Variants in NCOA1 observed in about 807,000 individuals in gnomAD.
NCOA1 encodes the protein nuclear receptor coactivator 1, also known as Hin-2 protein.
NCOA1 carries 35 observed loss-of-function variants against 150.9 expected under a neutral mutation model. The ratio of observed to expected loss-of-function variants is 0.23; its 90% CI spans 0.18 to 0.31. NCOA1 has a LOEUF of 0.31. Ranked by LOEUF, NCOA1 falls within the 10% of genes least tolerant of loss-of-function variation. NCOA1 has a pLI of 1.00. For synonymous variants in NCOA1, 590 were observed against 630.0 expected (o/e 0.94, Z 0.95); for missense variants, 1,491 against 1,749.3 (o/e 0.85, Z 2.63).
At chr2:24,503,739 T>G (rs570998437) in intron 1 of NCOA1, among the ~76,000 whole-genome samples, 1 of 151,472 alleles carries the variant, frequency 6.6e-6, no homozygotes, top group Non-Finnish European at 1.5e-5. Context: ...CTCTGTTTTT[T>G]TTTTTTTTTT....
intron 3 of NCOA1, among the ~76,000 whole-genome samples, chr2:24,601,206 C>T (rs1668098064): frequency 1.3e-5 from 2 of 148,798 alleles, no homozygotes; most frequent in Non-Finnish European, 1.5e-5. Context: ...AGATCTTTAA[C>T]ATCTTCTGTT....
intron 4 of NCOA1, among the ~76,000 whole-genome samples, chr2:24,646,861 C>T (rs143733710): frequency 2.2e-3 from 330 of 152,028 alleles, no homozygotes; most frequent in African/African-American, 7.7e-3. Context: ...TACACACACA[C>T]ACAAATTGTA....
At chr2:24,569,056 G>C (rs1666626692) in intron 2 of NCOA1, among the ~76,000 whole-genome samples, 1 of 150,948 alleles carries the variant, frequency 6.6e-6, no homozygotes, top group South Asian at 2.1e-4. Flanking sequence ...TTAAGTAAAA[G>C]AAGTTGCAGC....
intron 1 of NCOA1, among the ~76,000 whole-genome samples, chr2:24,552,353 A>ATT (rs869212842): frequency 1.8e-4 from 7 of 38,348 alleles, no homozygotes; most frequent in African/African-American, 7.7e-4. Flanking sequence ...ATATATATAT[A>ATT]TTTTTTTTTT....
intron 8 of NCOA1, 27 bp downstream of exon 8, chr2:24,683,155 A>C (rs754817909): frequency 1.4e-6 from 2 of 1,474,286 alleles, no homozygotes; most frequent in South Asian, 2.7e-5. Context: ...TTTTAAAAAG[A>C]ATACTAGCTC....
At chr2:24,575,853 G>A (rs1214980426) in intron 2 of NCOA1, among the ~76,000 whole-genome samples, 1 of 152,156 alleles carries the variant, frequency 6.6e-6, no homozygotes, top group Non-Finnish European at 1.5e-5. Flanking sequence ...GATTACAGGT[G>A]TGAGCCACCG....
chr2:24,643,088 A>G (rs2148461072), intron 3 of NCOA1, among the ~76,000 whole-genome samples: 1 of 152,280 alleles, frequency 6.6e-6, no homozygotes, highest in Middle Eastern at 3.4e-3. Flanking sequence ...ATAGAATTGT[A>G]AAAAAGACAT....
chr2:24,702,704 T>C (rs1348749731), intron 11 of NCOA1, among the ~76,000 whole-genome samples: 1 of 152,176 alleles, frequency 6.6e-6, no homozygotes, highest in East Asian at 1.9e-4. Flanking sequence ...TCACTAAGTG[T>C]TCTAAGGAGT....
At chr2:24,557,970 A>T (rs1375063108) in intron 1 of NCOA1, among the ~76,000 whole-genome samples, 1 of 150,132 alleles carries the variant, frequency 6.7e-6, no homozygotes, top group Non-Finnish European at 1.5e-5. Context: ...GGTTCCTTGG[A>T]ATTTTTTGGA....
chr2:24,492,625 C>T (rs182793909), intron 1 of NCOA1, among the ~76,000 whole-genome samples: 15 of 152,222 alleles, frequency 9.9e-5, no homozygotes, highest in Non-Finnish European at 2.1e-4. Flanking sequence ...TGGCCCTCCT[C>T]GTTTCTTGTA....
intron 19 of NCOA1, among the ~76,000 whole-genome samples, chr2:24,748,908 T>G (rs1162460037): frequency 6.6e-6 from 1 of 152,182 alleles, no homozygotes; most frequent in Non-Finnish European, 1.5e-5. Flanking sequence ...TACAGGATTT[T>G]ATAAAGATGT....
At chr2:24,556,918 C>G (rs1420761186) in intron 1 of NCOA1, among the ~76,000 whole-genome samples, 1 of 151,774 alleles carries the variant, frequency 6.6e-6, no homozygotes, top group Non-Finnish European at 1.5e-5. Context: ...CTACTCTTAG[C>G]TACTTATTTA....
chr2:24,504,714 C>T (rs1010865990), intron 1 of NCOA1, among the ~76,000 whole-genome samples: 17 of 152,054 alleles, frequency 1.1e-4, no homozygotes, highest in African/African-American at 4.1e-4. Flanking sequence ...AGTTTGCTAC[C>T]ATCTTTAGAA....
chr2:24,729,624 C>T lies in NCOA1; in HGVS notation c.3010C>T (p.Leu1004Phe). 10 of 1,614,222 alleles carry T rather than the reference C, an allele frequency of 6.2e-6. No homozygotes were observed. The highest frequency in any genetic ancestry group is 7.6e-6 in the Non-Finnish European group (9 of 1,180,030). ...PYSSPSPTANLPSPFQGMVRQ... is the reference protein window; with the variant it reads ...PYSSPSPTANFPSPFQGMVRQ... ...CTCTTCTCCTTCTCCTACTGCCAAT[C>T]TCCCTAGCCCTTTCCAAGGCATGGT... The change falls in exon 17 of 23, where the codon CTC becomes TTC. Residue 1004 changes from leucine to phenylalanine, a missense_variant. By Grantham distance (22) the Leu-to-Phe change is conservative. Transcript: ENST00000348332.
At position 24,705,212 on chromosome 2, in the gene NCOA1, T is replaced by C; in HGVS notation, c.1076T>C (p.Met359Thr). 1 of 1,613,984 alleles carries C rather than the reference T, an allele frequency of 6.2e-7. No homozygotes were observed. The highest frequency in any genetic ancestry group is 8.5e-7 in the Non-Finnish European group (1 of 1,179,838). Reference protein sequence around the residue: ...PQSPDMQPFIMGIHIIDREHS... With the variant: ...PQSPDMQPFITGIHIIDREHS... ...AGTCCAGACATGCAACCTTTCATCA[T>C]GGGAATTCATATCATCGACAGGTAC... Residue 359 changes from methionine (M) to threonine (T), a missense_variant, in exon 12 of 23, where the codon ATG (methionine) becomes ACG (threonine). This residue lies in a region of NCOA1 where 703 missense variants were observed against 717.7 expected (regional missense o/e 0.98). Coordinates refer to ENST00000348332, the MANE Select transcript of NCOA1 (RefSeq NM_003743.5).
intron 3 of NCOA1, among the ~76,000 whole-genome samples, chr2:24,610,648 T>G (rs1160399231): frequency 6.6e-6 from 1 of 151,848 alleles, no homozygotes; most frequent in African/African-American, 2.4e-5. Context: ...TCTTAATATA[T>G]TAAACATATT....
intron 7 of NCOA1, among the ~76,000 whole-genome samples, chr2:24,676,036 A>G (rs148365956): frequency 2.6e-4 from 39 of 152,120 alleles, no homozygotes; most frequent in African/African-American, 8.2e-4. Flanking sequence ...AAGATTTCCA[A>G]TTTTCCTAGA....
At chr2:24,748,990 T>G (rs3928467) in intron 19 of NCOA1, among the ~76,000 whole-genome samples, 127,595 of 152,156 alleles carry the variant, frequency 0.84, 54,442 homozygotes, top group East Asian at 0.99. Context: ...AACTTTCTCT[T>G]CCTTAAAAGT....
chr2:24,737,739 G>A (rs562727442), intron 17 of NCOA1, among the ~76,000 whole-genome samples: 4 of 152,212 alleles, frequency 2.6e-5, no homozygotes, highest in East Asian at 1.9e-4. Context: ...AGATGTGTCC[G>A]TCTATGCAGA....
Sources: gnomAD v4.1 joint callset for allele counts (sites outside exome capture counted in the v4.1 genomes callset) on GRCh38, gnomAD v4.1.1 for gene constraint, gnomAD v4.1.1 regional missense constraint, MANE v1.5 for transcripts, NCBI Gene and HGNC (gene_info 2026-07-23, HGNC 2026-07-21) for gene names.